Variants in DYM observed in about 807,000 individuals in gnomAD.
DYM encodes the protein dymeclin, also known as dyggve-Melchior-Clausen syndrome protein.
In DYM, 78 loss-of-function variants were observed where a neutral mutation model predicts 93.1. That is an observed-to-expected ratio of 0.84 (90% CI 0.70 to 1.01). The LOEUF (loss-of-function observed/expected upper bound fraction) is 1.01, where lower values mean the gene tolerates loss of function less well. Among genes scored for constraint, DYM ranks in the 50% least tolerant of loss-of-function variants. DYM has a pLI of 0.00. For missense variants in DYM, 789 were observed against 845.0 expected (o/e 0.93, Z 0.82); for synonymous variants, 321 against 319.7 (o/e 1.00, Z -0.04).
chr18:49,206,806 C>T (rs778709105), intron 14 of DYM, among the ~76,000 whole-genome samples: 1 of 152,110 alleles, frequency 6.6e-6, no homozygotes, highest in Non-Finnish European at 1.5e-5. Context: ...TGAAAAAATA[C>T]CCCCTGGAGG....
chr18:49,335,933 C>A (rs1412269659), intron 6 of DYM, among the ~76,000 whole-genome samples: 2 of 152,052 alleles, frequency 1.3e-5, no homozygotes, highest in East Asian at 1.9e-4. Context: ...CCTGCCTTAG[C>A]CTCTCAAGTA....
chr18:49,415,856 G>A (rs1308207138), intron 2 of DYM, among the ~76,000 whole-genome samples: 1 of 151,780 alleles, frequency 6.6e-6, no homozygotes, highest in East Asian at 1.9e-4. Flanking sequence ...GAACCTGGGA[G>A]GCAGAGGCTG....
intron 15 of DYM, 64 bp from the exon 16 acceptor site, chr18:49,118,990 A>C (rs531820551): frequency 7.3e-7 from 1 of 1,361,748 alleles, no homozygotes; most frequent in East Asian, 2.3e-5. Flanking sequence ...GAATTAATGA[A>C]AATAAGAGTA....
chr18:49,072,897 G>C (rs927847084), intron 17 of DYM, among the ~76,000 whole-genome samples: 2 of 152,138 alleles, frequency 1.3e-5, no homozygotes, highest in Admixed American at 6.5e-5. Flanking sequence ...ATTAGACTAG[G>C]CTCTTAAACC....
chr18:49,322,946 G>A (rs1330425791), intron 8 of DYM, among the ~76,000 whole-genome samples: 1 of 152,114 alleles, frequency 6.6e-6, no homozygotes, highest in Non-Finnish European at 1.5e-5. Flanking sequence ...AGAACACTCA[G>A]TTAATAAATA....
chr18:49,424,099 G>A (rs945887330), intron 2 of DYM, among the ~76,000 whole-genome samples: 6 of 151,990 alleles, frequency 3.9e-5, no homozygotes, highest in African/African-American at 9.7e-5. Flanking sequence ...AACCAAAAAC[G>A]ACAATTTTAG....
intron 16 of DYM, among the ~76,000 whole-genome samples, chr18:49,102,160 C>T (rs976624921): frequency 3.3e-5 from 5 of 152,208 alleles, no homozygotes; most frequent in Admixed American, 2.0e-4. Context: ...AATGAGGGTA[C>T]TGATACACAC....
At chr18:49,325,587 G>C (rs887685229) in intron 8 of DYM, among the ~76,000 whole-genome samples, 4 of 152,098 alleles carry the variant, frequency 2.6e-5, no homozygotes, top group African/African-American at 9.7e-5. Flanking sequence ...GCTACACAGA[G>C]AGCCATACCT....
intron 8 of DYM, among the ~76,000 whole-genome samples, chr18:49,312,916 A>G (rs1384018411): frequency 2.0e-5 from 3 of 152,202 alleles, no homozygotes; most frequent in Non-Finnish European, 4.4e-5. Context: ...AGACTAACAG[A>G]GTCCTAATCA....
At chr18:49,302,792 C>T (rs560791038) in intron 8 of DYM, among the ~76,000 whole-genome samples, 17 of 152,286 alleles carry the variant, frequency 1.1e-4, no homozygotes, top group East Asian at 3.9e-4. Flanking sequence ...CAGAATGCTA[C>T]GCAGATTTGC....
chr18:49,458,333 TA>T (rs200490518), intron 1 of DYM, among the ~76,000 whole-genome samples: 36 of 144,336 alleles, frequency 2.5e-4, no homozygotes, highest in Admixed American at 4.2e-4. Context: ...GCCATATTAA[TA>T]AAAAAAAAAG....
chr18:49,384,786 A>G (rs1213623778), intron 3 of DYM, among the ~76,000 whole-genome samples: 1 of 152,086 alleles, frequency 6.6e-6, no homozygotes, highest in East Asian at 1.9e-4. Flanking sequence ...CAATCATACA[A>G]AGGAAGAAAT....
chr18:49,260,154 C>T (rs2094466999), intron 11 of DYM, among the ~76,000 whole-genome samples: 1 of 152,142 alleles, frequency 6.6e-6, no homozygotes, highest in Admixed American at 6.5e-5. Flanking sequence ...TGTCTGTATT[C>T]CCAGCACTTT....
At chr18:49,338,571 A>G (rs1232995253) in intron 6 of DYM, among the ~76,000 whole-genome samples, 1 of 152,224 alleles carries the variant, frequency 6.6e-6, no homozygotes, top group East Asian at 1.9e-4. Context: ...TAAACAAACC[A>G]AAGGACCCCA....
At chr18:49,405,927 T>C (rs1296881365) in intron 2 of DYM, among the ~76,000 whole-genome samples, 1 of 152,196 alleles carries the variant, frequency 6.6e-6, no homozygotes, top group South Asian at 2.1e-4. Context: ...GTTCTCCTTA[T>C]AGAGATCTTC....
At chr18:49,442,967 C>G (rs763853619) in intron 1 of DYM, among the ~76,000 whole-genome samples, 1 of 151,666 alleles carries the variant, frequency 6.6e-6, no homozygotes, top group Non-Finnish European at 1.5e-5. Flanking sequence ...AAGCAATCCT[C>G]TCATCTCAGC....
chr18:49,115,433 C>T (rs977890398), intron 16 of DYM, among the ~76,000 whole-genome samples: 1 of 152,022 alleles, frequency 6.6e-6, no homozygotes, highest in Non-Finnish European at 1.5e-5. Flanking sequence ...TGTATATTAG[C>T]AGACATACAT....
intron 13 of DYM, among the ~76,000 whole-genome samples, chr18:49,231,577 C>T (rs925919112): frequency 6.6e-6 from 1 of 152,162 alleles, no homozygotes; most frequent in African/African-American, 2.4e-5. Flanking sequence ...AAATGCAGGT[C>T]ACAGTTACAC....
intron 8 of DYM, among the ~76,000 whole-genome samples, chr18:49,317,623 C>CCTAT (rs2062082777): frequency 2.8e-5 from 1 of 35,712 alleles, no homozygotes; most frequent in Non-Finnish European, 5.5e-5. Flanking sequence ...CTCCCTCCCT[C>CCTAT]CCTCCCTCTC....
Sources: allele counts gnomAD v4.1 joint callset (sites outside exome capture counted in the v4.1 genomes callset), GRCh38; gene constraint gnomAD v4.1.1; transcripts MANE v1.5; gene names NCBI Gene and HGNC (gene_info 2026-07-23, HGNC 2026-07-21).